Variants in NIBAN1 observed in about 807,000 individuals in gnomAD.
NIBAN1 encodes protein Niban 1.
NIBAN1 carries 81 observed loss-of-function variants against 75.1 expected under a neutral mutation model. That is an observed-to-expected ratio of 1.08 (90% CI 0.90 to 1.30). The LOEUF is 1.30. Among genes scored for constraint, NIBAN1 ranks in the 50% most tolerant of loss-of-function variants. NIBAN1 has a pLI of 0.00. For missense variants in NIBAN1, 1,133 were observed against 1,128.1 expected, an observed-to-expected ratio of 1.00 and a Z score of -0.06; for synonymous variants, 436 against 424.8, an observed-to-expected ratio of 1.03 and a Z score of -0.32.
intron 4 of NIBAN1, 147 bp downstream of exon 4, chr1:184,889,961 C>T (rs564411723): frequency 3.1e-6 from 2 of 645,552 alleles, no homozygotes; most frequent in East Asian, 2.7e-5. Context: ...CATAGCACCC[C>T]GATTCCAATT....
intron 9 of NIBAN1, among the ~76,000 whole-genome samples, chr1:184,812,834 G>A (rs1029023326): frequency 1.3e-5 from 2 of 152,172 alleles, no homozygotes; most frequent in African/African-American, 4.8e-5. Context: ...TAGGAAGCAA[G>A]TTCTTTCTGG....
chr1:184,931,428 C>T (rs1248309416), intron 1 of NIBAN1, among the ~76,000 whole-genome samples: 3 of 152,124 alleles, frequency 2.0e-5, no homozygotes, highest in Non-Finnish European at 4.4e-5. Context: ...ATATTATTGT[C>T]GCTTTAGCTA....
intron 5 of NIBAN1, among the ~76,000 whole-genome samples, chr1:184,884,213 C>G (rs1321654227): frequency 4.5e-5 from 6 of 132,630 alleles, no homozygotes; most frequent in Non-Finnish European, 9.4e-5. Context: ...CCATCTGTGG[C>G]TCTTTTTTTT....
intron 5 of NIBAN1, among the ~76,000 whole-genome samples, chr1:184,865,128 A>G (rs1279957710): frequency 6.6e-6 from 1 of 152,188 alleles, no homozygotes; most frequent in Non-Finnish European, 1.5e-5. Context: ...GGTGAGGTGC[A>G]GAGAAAAGGG....
chr1:184,835,654 T>C (rs1024600082), intron 5 of NIBAN1, among the ~76,000 whole-genome samples: 2 of 152,242 alleles, frequency 1.3e-5, no homozygotes. Flanking sequence ...TGTCTGTTAT[T>C]GGTGTATAGG....
intron 5 of NIBAN1, among the ~76,000 whole-genome samples, chr1:184,832,623 C>G (rs1284808370): frequency 1.3e-5 from 2 of 152,114 alleles, no homozygotes; most frequent in African/African-American, 4.8e-5. Context: ...TGGCACAGCC[C>G]AGGTGTGAAA....
chr1:184,807,100 T>C (rs534485578), intron 10 of NIBAN1, among the ~76,000 whole-genome samples: 7 of 152,234 alleles, frequency 4.6e-5, no homozygotes, highest in African/African-American at 9.6e-5. Flanking sequence ...ACCTTCAACA[T>C]TGTAGTGAAT....
At chr1:184,809,146 T>C (rs1427621690) in intron 9 of NIBAN1, among the ~76,000 whole-genome samples, 1 of 152,164 alleles carries the variant, frequency 6.6e-6, no homozygotes, top group African/African-American at 2.4e-5. Flanking sequence ...GCAGAAGAGA[T>C]AATCTAGATT....
intron 6 of NIBAN1, among the ~76,000 whole-genome samples, chr1:184,826,788 T>C (rs540758604): frequency 5.2e-4 from 79 of 152,284 alleles, no homozygotes; most frequent in African/African-American, 1.9e-3. Flanking sequence ...TTTGGCTCTA[T>C]GTTACAACTT....
At chr1:184,840,488 C>G (rs1481803876) in intron 5 of NIBAN1, among the ~76,000 whole-genome samples, 1 of 152,002 alleles carries the variant, frequency 6.6e-6, no homozygotes, top group Non-Finnish European at 1.5e-5. Context: ...AAACACTTCT[C>G]AAACAAATGG....
At chr1:184,933,865 T>A (rs1657886661) in intron 1 of NIBAN1, among the ~76,000 whole-genome samples, 1 of 152,254 alleles carries the variant, frequency 6.6e-6, no homozygotes, top group Non-Finnish European at 1.5e-5. Flanking sequence ...AAGAAAGTTG[T>A]GTTCCAAGTA....
At chr1:184,880,411 GGCTTCCTATT>G (rs1280597654) in intron 5 of NIBAN1, among the ~76,000 whole-genome samples, 1 of 152,128 alleles carries the variant, frequency 6.6e-6, no homozygotes, top group East Asian at 1.9e-4. Flanking sequence ...AAATCCTAAT[GGCTTCCTATT>G]GCTGTTATAA....
Position 184,952,247 on chromosome 1 carries a change from T to C in NIBAN1, c.55+22055A>G, listed in dbSNP as rs115401001. ...AGACCTCATCTCTACAAAAGAAAATTGAAAAAATAAGCCAGGTGTGGTGGC... is the reference window on the plus strand; with the variant it reads ...AGACCTCATCTCTACAAAAGAAAATCGAAAAAATAAGCCAGGTGTGGTGGC... On this transcript the variant is annotated intron_variant, in intron 1 of 13. Coordinates refer to ENST00000367511, the MANE Select transcript of NIBAN1 (RefSeq NM_052966.4). Among the ~76,000 whole-genome samples the C allele has an allele frequency of 3.6e-3, 545 of 151,722 alleles. 3 individuals carry two copies. The highest frequency in any genetic ancestry group is 0.013 in the African/African-American group (522 of 41,340).
Position 184,823,263 on chromosome 1 carries a change from C to T in NIBAN1, c.889G>A (p.Glu297Lys). The part of the protein sequence containing the change: ...VSEGLSALKE[E>K]CRALTKGLEG... ...AGGCCCTTTGTCAGAGCTCTGCATT[C>T]CTCCTTCAAGGCACTTAATCCTTCT... The change falls in exon 8 of 14, where the codon GAA (glutamate) becomes AAA (lysine). Residue 297 changes from glutamate to lysine, a missense_variant. By Grantham distance (56) the Glu-to-Lys change is moderately conservative. Coordinates refer to ENST00000367511, the MANE Select transcript of NIBAN1 (RefSeq NM_052966.4). The T allele has an allele frequency of 6.2e-7, 1 of 1,614,188 alleles. No individual in the cohort carries two copies. Among genetic ancestry groups the T allele is most frequent in the South Asian group, 1.1e-5 (1 of 91,084 alleles).
chr1:184,889,585 G>A (rs938730987), intron 4 of NIBAN1, among the ~76,000 whole-genome samples: 1 of 152,138 alleles, frequency 6.6e-6, no homozygotes, highest in Non-Finnish European at 1.5e-5. Flanking sequence ...TAGAAGATGG[G>A]ATTGTATATT....
intron 6 of NIBAN1, among the ~76,000 whole-genome samples, chr1:184,828,326 C>T (rs567582778): frequency 1.4e-3 from 211 of 152,180 alleles, no homozygotes; most frequent in African/African-American, 4.8e-3. Context: ...GAATGCAGGC[C>T]CCTAGGGTAG....
intron 4 of NIBAN1, among the ~76,000 whole-genome samples, chr1:184,889,229 A>T (rs1656606138): frequency 6.6e-6 from 1 of 152,202 alleles, no homozygotes; most frequent in Non-Finnish European, 1.5e-5. Context: ...ATGAGAATCA[A>T]AGAAGGTTAG....
intron 2 of NIBAN1, among the ~76,000 whole-genome samples, chr1:184,894,773 A>G (rs890475138): frequency 6.6e-6 from 1 of 152,206 alleles, no homozygotes; most frequent in African/African-American, 2.4e-5. Flanking sequence ...ACAAGCAGGT[A>G]TCAAGCCAGA....
chr1:184,811,693 CATG>C (rs1048731063), intron 9 of NIBAN1, among the ~76,000 whole-genome samples: 2 of 151,892 alleles, frequency 1.3e-5, no homozygotes, highest in African/African-American at 4.8e-5. Context: ...AGGGTTTCAC[CATG>C]TTAGCCAGGA....
Sources: allele counts gnomAD v4.1 joint callset (sites outside exome capture counted in the v4.1 genomes callset), GRCh38; gene constraint gnomAD v4.1.1; transcripts MANE v1.5; gene names NCBI Gene and HGNC (gene_info 2026-07-23, HGNC 2026-07-21).